The following GLIS3 variants were observed in gnomAD, a reference collection of about 807,000 sequenced individuals.
The protein encoded by GLIS3 is GLIS family zinc finger 3.
A neutral mutation model predicts 78.6 loss-of-function variants in GLIS3; 53 were observed. The observed-to-expected ratio is 0.67, with a 90% confidence interval of 0.54 to 0.85. GLIS3 has a LOEUF of 0.85. Ranked by LOEUF, GLIS3 falls within the 40% of genes least tolerant of loss-of-function variation. GLIS3 has a pLI of 0.00. For missense variants in GLIS3, 1,703 were observed against 1,231.1 expected (o/e 1.38, Z -5.74); for synonymous variants, 684 against 509.9 (o/e 1.34, Z -4.60).
chr9:4,118,199 G>A lies in GLIS3; in HGVS notation c.1279C>T (p.Leu427=). The A allele has an allele frequency of 6.3e-7, 1 of 1,584,972 alleles. No homozygotes were observed. Among genetic ancestry groups the A allele is most frequent in the South Asian group, 1.2e-5 (1 of 86,894 alleles). The part of the protein sequence containing the change: ...LPGPDSQSAG[L]FKTERLEEFP... The stretch of plus-strand genomic sequence containing the variant: ...TCCTCCAGGCGTTCGGTCTTGAACA[G>A]GCCGGCCGACTGGCTGTCGGGGCCC... The change falls in exon 4 of 11, where the codon CTG becomes TTG. Residue 427 remains leucine (L), a synonymous_variant. Coordinates refer to ENST00000381971, the MANE Select transcript of GLIS3 (RefSeq NM_001042413.2). This position sits in a 1 kb window ranked among gnomAD's most constrained non-coding sequence, Gnocchi z 4.7.
At chr9:4,454,660 T>G in the GLIS3 span, among the ~76,000 whole-genome samples, 2 of 152,202 alleles carry the variant, frequency 1.3e-5, no homozygotes, top group Non-Finnish European at 2.9e-5. Flanking sequence ...TCTATTTCTG[T>G]TTTGAAGAGC....
At chr9:4,107,244 G>A (rs1830829446) in intron 4 of GLIS3, among the ~76,000 whole-genome samples, 1 of 152,120 alleles carries the variant, frequency 6.6e-6, no homozygotes, top group Non-Finnish European at 1.5e-5. Flanking sequence ...GTTCCTTGTG[G>A]CAGATACTAT....
Position 4,068,420 on chromosome 9 carries a change from C to T in GLIS3, c.1710+49348G>A, listed in dbSNP as rs150678885. 3.2e-3 allele frequency among the ~76,000 whole-genome samples: 481 copies of T among 152,118 alleles called. 5 individuals are homozygous for T. Among genetic ancestry groups the T allele is most frequent in the Admixed American group, 0.028 (429 of 15,286 alleles). ...CTGAATGAAAAAACAAGATTTATAA[C>T]TTCCAAGTTGCAAAAGGCAAAAAGG... On this transcript the variant is annotated intron_variant, in intron 4 of 10. Transcript: ENST00000381971.
chr9:4,390,321 G>A, the GLIS3 span, among the ~76,000 whole-genome samples: 1 of 152,300 alleles, frequency 6.6e-6, no homozygotes, highest in African/African-American at 2.4e-5. Flanking sequence ...AGACTTTGTG[G>A]CAGTCTAAAC....
the GLIS3 span, among the ~76,000 whole-genome samples, chr9:4,463,005 C>T: frequency 7.2e-5 from 11 of 152,112 alleles, no homozygotes; most frequent in Admixed American, 2.0e-4. Context: ...ATGTCTGTAC[C>T]AACAATCTTC....
Position 4,265,853 on chromosome 9 carries a change from T to A in GLIS3, c.388+20185A>T, listed in dbSNP as rs549826198. Among the ~76,000 whole-genome samples, 3 of 152,168 alleles carry A rather than the reference T, an allele frequency of 2.0e-5. 1 individual carries two copies. Among genetic ancestry groups the A allele is most frequent in the African/African-American group, 7.2e-5 (3 of 41,548 alleles). On this transcript the variant is annotated intron_variant, in intron 2 of 10. Coordinates refer to ENST00000381971, the MANE Select transcript of GLIS3 (RefSeq NM_001042413.2). ...CAAGGGTGACAACTTCACAACTGAG[T>A]GTCAACCAAAAGCAGAATGTTTTAG...
chr9:3,876,634 C>CAGAGAGAG (rs149679158), intron 8 of GLIS3, among the ~76,000 whole-genome samples: 2 of 15,710 alleles, frequency 1.3e-4, no homozygotes, highest in African/African-American at 5.5e-4. Context: ...TCACCAAAGT[C>CAGAGAGAG]AGAGAGAGAG....
At chr9:4,379,360 T>C in the GLIS3 span, among the ~76,000 whole-genome samples, 1 of 152,240 alleles carries the variant, frequency 6.6e-6, no homozygotes, top group African/African-American at 2.4e-5. Context: ...TAAAATGTTA[T>C]AATTTCTCAA....
At chr9:4,373,660 ATTTTC>A in the GLIS3 span, among the ~76,000 whole-genome samples, 39 of 149,184 alleles carry the variant, frequency 2.6e-4, no homozygotes, top group Admixed American at 6.7e-5. Context: ...GGAAAACATA[ATTTTC>A]TTTTCTTTTT....
the GLIS3 span, among the ~76,000 whole-genome samples, chr9:4,451,258 C>G: frequency 6.6e-6 from 1 of 152,054 alleles, no homozygotes; most frequent in Non-Finnish European, 1.5e-5. Flanking sequence ...AAGAAGGCCA[C>G]TACATGATGG....
chr9:4,474,767 G>T, the GLIS3 span, among the ~76,000 whole-genome samples: 11 of 149,520 alleles, frequency 7.4e-5, no homozygotes, highest in East Asian at 2.1e-3. Context: ...CATGAACATG[G>T]CTCACTGCAG....
chr9:4,256,840 T>C lies in GLIS3; in HGVS notation c.388+29198A>G, dbSNP rs560691624. On this transcript the variant is annotated intron_variant, in intron 2 of 10. Coordinates refer to ENST00000381971, the MANE Select transcript of GLIS3 (RefSeq NM_001042413.2). ...TACCATACGATCCAGCAATATCTCA[T>C]CTGAATATACACCCAAAGGAAAGGA... Among the ~76,000 whole-genome samples, 4 of 152,240 alleles carry C rather than the reference T, an allele frequency of 2.6e-5. No homozygotes were observed. The East Asian group carries it at 7.7e-4, about 29-fold the overall frequency.
At chr9:3,918,855 A>G (rs10491900) in intron 6 of GLIS3, among the ~76,000 whole-genome samples, 16,294 of 152,274 alleles carry the variant, frequency 0.11, 945 homozygotes, top group East Asian at 0.17. Flanking sequence ...ATTTCAACCA[A>G]TTCAGCTAAA....
chr9:4,191,253 G>A (rs1818308214), intron 2 of GLIS3, among the ~76,000 whole-genome samples: 1 of 152,038 alleles, frequency 6.6e-6, no homozygotes. Context: ...TGTATGAAGA[G>A]TCAAGACCCA....
At chr9:4,170,720 T>G (rs1586869414) in intron 2 of GLIS3, among the ~76,000 whole-genome samples, 1 of 152,214 alleles carries the variant, frequency 6.6e-6, no homozygotes, top group East Asian at 1.9e-4. Flanking sequence ...GGCAAGGCTA[T>G]CCATACACCA....
rs534675516 is a variant in GLIS3 at position 3,837,051 on chromosome 9, C to T, written c.2474-7559G>A. ...GGCTGCTTTACAAGTTGGAATATTC[C>T]CACAGAATAAGGATATTGTTGCTCA... On this transcript the variant is annotated intron_variant, in intron 9 of 10. Coordinates refer to ENST00000381971, the MANE Select transcript of GLIS3 (RefSeq NM_001042413.2). Among the ~76,000 whole-genome samples, 303 of 152,212 alleles carry T rather than the reference C, an allele frequency of 2.0e-3. 1 individual carries two copies. Among genetic ancestry groups the T allele is most frequent in the Non-Finnish European group, 3.5e-3 (238 of 68,008 alleles).
intron 2 of GLIS3, among the ~76,000 whole-genome samples, chr9:4,201,734 C>G (rs917028964): frequency 6.6e-6 from 1 of 152,232 alleles, no homozygotes; most frequent in South Asian, 2.1e-4. Context: ...GATTGGAAGA[C>G]TCAATACCAT....
chr9:4,150,687 C>T (rs1347610562), intron 2 of GLIS3, among the ~76,000 whole-genome samples: 6 of 152,212 alleles, frequency 3.9e-5, no homozygotes, highest in Non-Finnish European at 8.8e-5. Flanking sequence ...TCTGCCCCCA[C>T]CATGCTTTGA....
chr9:4,261,458 G>C (rs972718275), intron 2 of GLIS3, among the ~76,000 whole-genome samples: 12 of 152,144 alleles, frequency 7.9e-5, no homozygotes, highest in African/African-American at 2.9e-4. Flanking sequence ...TGGAGATTAG[G>C]AAGAAACAGA....
Sources: gnomAD v4.1 joint callset for allele counts (sites outside exome capture counted in the v4.1 genomes callset) on GRCh38, gnomAD v4.1.1 for gene constraint, Gnocchi (gnomAD v3.1) non-coding constraint, MANE v1.5 for transcripts, NCBI Gene and HGNC (gene_info 2026-07-23, HGNC 2026-07-21) for gene names.